Variants in ARHGEF4 observed in about 807,000 individuals in gnomAD.
The protein encoded by ARHGEF4 is APC-stimulated guanine nucleotide exchange factor 1.
In ARHGEF4, 119 loss-of-function variants were observed where a neutral mutation model predicts 162.0. The observed-to-expected ratio is 0.73, with a 90% CI of 0.63 to 0.86. The LOEUF is 0.86. Ranked by LOEUF, ARHGEF4 falls within the 40% of genes least tolerant of loss-of-function variation. The probability of loss-of-function intolerance (pLI) is 0.00; values close to 1 mark genes in which losing one functional copy is unlikely to be tolerated. For missense variants in ARHGEF4, 2,488 were observed against 2,456.0 expected, an observed-to-expected ratio of 1.01 and a Z score of -0.28; for synonymous variants, 1,014 against 979.9, an observed-to-expected ratio of 1.03 and a Z score of -0.65.
intron 1 of ARHGEF4, among the ~76,000 whole-genome samples, chr2:130,903,297 T>C (rs1281989361): frequency 6.6e-6 from 1 of 151,578 alleles, no homozygotes; most frequent in African/African-American, 2.4e-5. Context: ...AGTCTCGCTG[T>C]CACCAGGCTA....
intron 1 of ARHGEF4, among the ~76,000 whole-genome samples, chr2:130,881,856 G>C (rs1574151545): frequency 6.6e-6 from 1 of 152,014 alleles, no homozygotes; most frequent in African/African-American, 2.4e-5. Flanking sequence ...AGGTGTGTAC[G>C]AGAACCACCT....
At chr2:130,848,556 T>G (rs1681166223) in intron 1 of ARHGEF4, among the ~76,000 whole-genome samples, 1 of 152,120 alleles carries the variant, frequency 6.6e-6, no homozygotes, top group African/African-American at 2.4e-5. Flanking sequence ...TGCGTGGCAT[T>G]CCCAGGGCCC....
chr2:131,035,373 A>C (rs1299738262), intron 5 of ARHGEF4: 4 of 944,162 alleles, frequency 4.2e-6, no homozygotes, highest in Non-Finnish European at 5.3e-6. Flanking sequence ...CTTCCACCCC[A>C]TGTGCTCACT....
chr2:130,981,127 G>C (rs545910254), intron 4 of ARHGEF4, among the ~76,000 whole-genome samples: 1 of 152,058 alleles, frequency 6.6e-6, no homozygotes, highest in Non-Finnish European at 1.5e-5. Flanking sequence ...TAGCTCTGTA[G>C]ATCATTAGAG....
At chr2:130,884,233 C>G (rs759080864) in intron 1 of ARHGEF4, among the ~76,000 whole-genome samples, 1 of 151,684 alleles carries the variant, frequency 6.6e-6, no homozygotes, top group Non-Finnish European at 1.5e-5. Context: ...TCAATTTATA[C>G]ACACACACAC....
intron 2 of ARHGEF4, among the ~76,000 whole-genome samples, chr2:130,923,552 G>A (rs1682026188): frequency 6.6e-6 from 1 of 152,228 alleles, no homozygotes; most frequent in African/African-American, 2.4e-5. Context: ...GGCGGGCAAT[G>A]TTCTAGATGC....
intron 4 of ARHGEF4, among the ~76,000 whole-genome samples, chr2:130,986,519 G>A (rs1367347518): frequency 1.3e-5 from 2 of 152,200 alleles, no homozygotes; most frequent in Non-Finnish European, 2.9e-5. Context: ...GGGCGCTGGG[G>A]CCTTCAGCAG....
chr2:130,988,872 GTATATATA>G (rs58656982), intron 4 of ARHGEF4, among the ~76,000 whole-genome samples: 26,516 of 107,468 alleles, frequency 0.25, 3,779 homozygotes, highest in East Asian at 0.33. Flanking sequence ...GTGTGTGTGT[GTATATATA>G]TATATATATA....
At chr2:130,962,868 A>T (rs1004334221) in intron 4 of ARHGEF4, among the ~76,000 whole-genome samples, 1 of 152,160 alleles carries the variant, frequency 6.6e-6, no homozygotes, top group Non-Finnish European at 1.5e-5. Flanking sequence ...AGCCGCTATC[A>T]CGACTGCCCC....
At chr2:131,042,062 A>G (rs1690858156) in intron 10 of ARHGEF4, 118 bp downstream of exon 10, 1 of 1,374,674 alleles carries the variant, frequency 7.3e-7, no homozygotes. Context: ...CCTGGGAGCT[A>G]GCAACAGATG....
At chr2:131,005,021 G>C (rs1688029834) in intron 4 of ARHGEF4, among the ~76,000 whole-genome samples, 1 of 152,196 alleles carries the variant, frequency 6.6e-6, no homozygotes, top group Admixed American at 6.5e-5. Context: ...CTGCAGCCCA[G>C]CTGGAACAGC....
chr2:130,992,881 C>G (rs1318142277), intron 4 of ARHGEF4, among the ~76,000 whole-genome samples: 1 of 152,122 alleles, frequency 6.6e-6, no homozygotes, highest in Non-Finnish European at 1.5e-5. Context: ...GCCAGGGATT[C>G]GAGACCAGCC....
intron 1 of ARHGEF4, among the ~76,000 whole-genome samples, chr2:130,881,730 G>A (rs1679200344): frequency 6.6e-6 from 1 of 152,138 alleles, no homozygotes; most frequent in South Asian, 2.1e-4. Flanking sequence ...GACCATCCTG[G>A]AGGGCGGCCC....
chr2:130,850,135 C>T (rs1454151104), intron 1 of ARHGEF4, among the ~76,000 whole-genome samples: 1 of 152,132 alleles, frequency 6.6e-6, no homozygotes, highest in African/African-American at 2.4e-5. Flanking sequence ...GTTCTCAAAG[C>T]AGCCCACGTT....
chr2:130,848,207 G>T (rs929628160), intron 1 of ARHGEF4, among the ~76,000 whole-genome samples: 1 of 152,180 alleles, frequency 6.6e-6, no homozygotes, highest in African/African-American at 2.4e-5. Context: ...GCAGGCCTGT[G>T]GGGAGAGGCG....
rs1415857555 is a variant in ARHGEF4, at chr2:131,044,354, T to G, written c.5213T>G (p.Leu1738Arg). 1.2e-6 allele frequency: 2 copies of G among 1,605,708 alleles called. No individual in the cohort carries two copies. Among genetic ancestry groups the G allele is most frequent in the Admixed American group, 1.7e-5 (1 of 59,088 alleles). Residue 1738 changes from leucine (L) to arginine (R), a missense_variant, in exon 12 of 14, where the codon CTG becomes CGG. Leu to Arg is a moderately radical substitution (Grantham distance 102). Coordinates refer to ENST00000409359, the MANE Select transcript of ARHGEF4 (RefSeq NM_001367493.1). ...YYKGRLDMDG[L>R]EVVDLEDGKD... Reference sequence around the variant, plus strand: ...AAGGGCCGGCTGGACATGGACGGCCTGGAGGTGGTGGACCTGGAGGACGGG... The same window carrying G: ...AAGGGCCGGCTGGACATGGACGGCCGGGAGGTGGTGGACCTGGAGGACGGG...
intron 4 of ARHGEF4, among the ~76,000 whole-genome samples, chr2:131,015,223 A>G (rs1176229124): frequency 6.6e-6 from 1 of 152,184 alleles, no homozygotes; most frequent in African/African-American, 2.4e-5. Flanking sequence ...GCGCATTCCC[A>G]CTTGGGACTG....
At chr2:130,851,958 CA>C (rs1319310853) in intron 1 of ARHGEF4, among the ~76,000 whole-genome samples, 6 of 152,228 alleles carry the variant, frequency 3.9e-5, no homozygotes, top group Non-Finnish European at 8.8e-5. Context: ...AGAATACAGA[CA>C]ATCAGAATTG....
At chr2:130,920,979 ACACCACATCCCC>A (rs1240225250) in intron 2 of ARHGEF4, among the ~76,000 whole-genome samples, 23 of 152,086 alleles carry the variant, frequency 1.5e-4, no homozygotes, top group Admixed American at 1.3e-3. Flanking sequence ...AGGTCATGAA[ACACCACATCCCC>A]CACCCTGCCC....
Sources: gnomAD v4.1 joint callset for allele counts (sites outside exome capture counted in the v4.1 genomes callset) on GRCh38, gnomAD v4.1.1 for gene constraint, MANE v1.5 for transcripts, NCBI Gene and HGNC (gene_info 2026-07-23, HGNC 2026-07-21) for gene names.